Variants in SETD3 observed in about 807,000 individuals in gnomAD.
The protein encoded by SETD3 is SET domain containing 3, actin N3(tau)-histidine methyltransferase.
A neutral mutation model predicts 63.0 loss-of-function variants in SETD3; 19 were observed. That is an observed-to-expected ratio of 0.30 (90% CI 0.21 to 0.44). The LOEUF (loss-of-function observed/expected upper bound fraction) is 0.44, where lower values mean the gene tolerates loss of function less well. Ranked by LOEUF, SETD3 falls within the 20% of genes least tolerant of loss-of-function variation. The pLI is 1.00. For missense variants in SETD3, 587 were observed against 728.5 expected, an observed-to-expected ratio of 0.81 and a Z score of 2.24; for synonymous variants, 286 against 264.1, an observed-to-expected ratio of 1.08 and a Z score of -0.80.
At chr14:99,406,680 A>C in intron 8 of SETD3, 90 bp from the exon 9 acceptor site, 1 of 1,305,574 alleles carries the variant, frequency 7.7e-7, no homozygotes, top group Non-Finnish European at 1.1e-6. Flanking sequence ...AATCAGAGGA[A>C]AAAGGGGATC....
At chr14:99,453,604 C>A (rs1894585494) in intron 6 of SETD3, among the ~76,000 whole-genome samples, 2 of 152,108 alleles carry the variant, frequency 1.3e-5, no homozygotes, top group Admixed American at 6.5e-5. Context: ...GTGGGTGGAT[C>A]ACCAGAGATC....
intron 6 of SETD3, among the ~76,000 whole-genome samples, chr14:99,430,714 G>A (rs1055262666): frequency 5.3e-5 from 8 of 152,194 alleles, no homozygotes; most frequent in Non-Finnish European, 1.2e-4. Context: ...ATGCATCAGC[G>A]AGTGACTGAA....
chr14:99,442,923 G>C (rs369208108), intron 6 of SETD3, among the ~76,000 whole-genome samples: 3 of 152,248 alleles, frequency 2.0e-5, no homozygotes, highest in South Asian at 2.1e-4. Context: ...TAAGACACTG[G>C]AACAGTGGCC....
intron 1 of SETD3, among the ~76,000 whole-genome samples, chr14:99,477,483 G>GGT (rs904565305): frequency 6.6e-6 from 1 of 151,930 alleles, no homozygotes; most frequent in Non-Finnish European, 1.5e-5. Context: ...AGCCCAGTGC[G>GGT]GTGGCTCACG....
chr14:99,422,623 T>C (rs957252879), intron 6 of SETD3, among the ~76,000 whole-genome samples: 4 of 152,154 alleles, frequency 2.6e-5, no homozygotes, highest in Admixed American at 2.6e-4. Flanking sequence ...CCCACTGATT[T>C]AGGAGGACTG....
chr14:99,433,389 C>T (rs952727856), intron 6 of SETD3, among the ~76,000 whole-genome samples: 1 of 151,786 alleles, frequency 6.6e-6, no homozygotes, highest in African/African-American at 2.4e-5. Context: ...ATATTAATTA[C>T]ATGTTTAATA....
At chr14:99,440,621 T>C (rs1237619851) in intron 6 of SETD3, among the ~76,000 whole-genome samples, 1 of 151,690 alleles carries the variant, frequency 6.6e-6, no homozygotes, top group Non-Finnish European at 1.5e-5. Context: ...CAATGGGAGC[T>C]TGTGCGTTTA....
intron 6 of SETD3, among the ~76,000 whole-genome samples, chr14:99,424,083 A>G (rs541902005): frequency 6.6e-6 from 1 of 152,294 alleles, no homozygotes; most frequent in East Asian, 1.9e-4. Context: ...CAGATCTTTT[A>G]AGCACTACCT....
upstream of SETD3, chr14:99,480,998 T>A (rs1244025315): frequency 6.5e-6 from 1 of 154,976 alleles, no homozygotes; most frequent in Admixed American, 6.5e-5. Context: ...CGGCGTTCCG[T>A]TCGGGGTCCT....
intron 6 of SETD3, among the ~76,000 whole-genome samples, chr14:99,428,154 T>C (rs1892985696): frequency 6.6e-6 from 1 of 152,188 alleles, no homozygotes; most frequent in Non-Finnish European, 1.5e-5. Context: ...ATTAGCTATG[T>C]GGCCCCAAGC....
At chr14:99,437,077 G>C (rs1893524906) in intron 6 of SETD3, among the ~76,000 whole-genome samples, 1 of 152,336 alleles carries the variant, frequency 6.6e-6, no homozygotes, top group African/African-American at 2.4e-5. Flanking sequence ...AACTAGGTAT[G>C]AACTGAGGTC....
intron 1 of SETD3, among the ~76,000 whole-genome samples, chr14:99,478,929 A>G (rs1271635040): frequency 6.6e-6 from 1 of 152,240 alleles, no homozygotes; most frequent in Non-Finnish European, 1.5e-5. Context: ...AAGCTTAATT[A>G]TCATTTAAAA....
At chr14:99,435,175 C>A (rs1893410648) in intron 6 of SETD3, among the ~76,000 whole-genome samples, 1 of 152,068 alleles carries the variant, frequency 6.6e-6, no homozygotes, top group Admixed American at 6.6e-5. Flanking sequence ...TATTCATAGA[C>A]TATGAATAAA....
intron 6 of SETD3, among the ~76,000 whole-genome samples, chr14:99,429,074 G>A (rs967394165): frequency 2.6e-5 from 4 of 152,144 alleles, no homozygotes; most frequent in Non-Finnish European, 5.9e-5. Flanking sequence ...ATGACTATTA[G>A]TCAAGATGGG....
At chr14:99,443,549 G>A (rs959983016) in intron 6 of SETD3, among the ~76,000 whole-genome samples, 2 of 152,090 alleles carry the variant, frequency 1.3e-5, no homozygotes, top group Non-Finnish European at 2.9e-5. Context: ...ACTGTGCCTG[G>A]TCCCATGATT....
At chr14:99,436,824 G>GT (rs1013033749) in intron 6 of SETD3, among the ~76,000 whole-genome samples, 3 of 152,170 alleles carry the variant, frequency 2.0e-5, no homozygotes, top group African/African-American at 7.2e-5. Flanking sequence ...TGTTCCCTGG[G>GT]TTCTTCAGCA....
chr14:99,462,314 T>C (rs8017956), intron 3 of SETD3, among the ~76,000 whole-genome samples: 149,886 of 152,308 alleles, frequency 0.98, 73,793 homozygotes, highest in East Asian at 1. Context: ...TAGAAAAAAC[T>C]ATTCTGTTTG....
chr14:99,440,421 C>T (rs749428574), intron 6 of SETD3, among the ~76,000 whole-genome samples: 3 of 152,122 alleles, frequency 2.0e-5, no homozygotes, highest in Non-Finnish European at 4.4e-5. Context: ...TTTCACTACA[C>T]GTGCGAAGTG....
intron 8 of SETD3, among the ~76,000 whole-genome samples, chr14:99,408,833 G>A (rs911320347): frequency 2.6e-5 from 4 of 152,094 alleles, no homozygotes; most frequent in East Asian, 1.9e-4. Context: ...AAGTGCAGGC[G>A]GAAGCACAGG....
Sources: gnomAD v4.1 joint callset for allele counts (sites outside exome capture counted in the v4.1 genomes callset) on GRCh38, gnomAD v4.1.1 for gene constraint, MANE v1.5 for transcripts, NCBI Gene and HGNC (gene_info 2026-07-23, HGNC 2026-07-21) for gene names.